CSMD1: variants seen among roughly 807,000 people sequenced by gnomAD.
CSMD1 encodes CUB and sushi domain-containing protein 1.
A neutral mutation model predicts 417.5 loss-of-function variants in CSMD1; 213 were observed. The observed-to-expected ratio is 0.51, with a 90% CI of 0.46 to 0.57. The LOEUF (loss-of-function observed/expected upper bound fraction) is 0.57. CSMD1 is among the 20% of genes least tolerant of loss of function. The pLI, the probability that CSMD1 is intolerant of heterozygous loss-of-function variation, is 0.00. For missense variants in CSMD1, 6,923 were observed against 4,529.7 expected (o/e 1.53, Z -15.17); for synonymous variants, 2,862 against 1,736.8 (o/e 1.65, Z -16.11).
At chr8:4,843,257 C>T (rs985096925) in intron 1 of CSMD1, among the ~76,000 whole-genome samples, 4 of 152,116 alleles carry the variant, frequency 2.6e-5, no homozygotes, top group Non-Finnish European at 5.9e-5. Flanking sequence ...CGATGTCTCC[C>T]TAACCAAAAA....
chr8:4,418,402 G>C (rs894071246), intron 3 of CSMD1, among the ~76,000 whole-genome samples: 13 of 152,138 alleles, frequency 8.5e-5, no homozygotes, highest in African/African-American at 3.1e-4. Context: ...AAATAGCCCA[G>C]AAATATTTGA....
intron 10 of CSMD1, among the ~76,000 whole-genome samples, chr8:3,512,161 G>C (rs1797101749): frequency 6.6e-6 from 1 of 152,156 alleles, no homozygotes; most frequent in African/African-American, 2.4e-5. Context: ...ACATGTCCTT[G>C]GCAGAATTTC....
Position 4,311,268 on chromosome 8 carries a change from G to T in CSMD1, c.415+108685C>A, listed in dbSNP as rs534642527. Among the ~76,000 whole-genome samples the T allele has an allele frequency of 5.3e-5, 8 of 152,298 alleles. No individual in the cohort carries two copies. In the East Asian group the frequency reaches 1.5e-3, roughly 29 times the overall value. On this transcript the variant is annotated intron_variant, in intron 3 of 69. Coordinates refer to ENST00000635120, the MANE Select transcript of CSMD1 (RefSeq NM_033225.6). ...TCAACCTAAATGTCCATCAATGACA[G>T]ATTAGATAAAGAAAATGTGGCACAT...
intron 38 of CSMD1, among the ~76,000 whole-genome samples, chr8:3,159,977 A>C (rs762059361): frequency 6.6e-6 from 1 of 152,198 alleles, no homozygotes; most frequent in Non-Finnish European, 1.5e-5. Flanking sequence ...ACAGTTTGGG[A>C]ATTTGAGGGA....
chr8:3,495,365 A>G (rs926193693), intron 10 of CSMD1, among the ~76,000 whole-genome samples: 6 of 152,188 alleles, frequency 3.9e-5, no homozygotes, highest in Non-Finnish European at 8.8e-5. Context: ...ATGATAATTC[A>G]TTAAGGTTTG....
chr8:4,524,544 A>G (rs1233101509), intron 2 of CSMD1, among the ~76,000 whole-genome samples: 1 of 146,012 alleles, frequency 6.8e-6, no homozygotes, highest in African/African-American at 2.5e-5. Context: ...CTGCATTTTC[A>G]TGACCATTTT....
chr8:4,085,138 C>G (rs1053200254), intron 3 of CSMD1, among the ~76,000 whole-genome samples: 4 of 152,150 alleles, frequency 2.6e-5, no homozygotes, highest in Non-Finnish European at 5.9e-5. Context: ...TGAGATGTCA[C>G]CGGCCTTGAA....
At chr8:4,234,274 G>A (rs1044622397) in intron 3 of CSMD1, among the ~76,000 whole-genome samples, 4 of 152,142 alleles carry the variant, frequency 2.6e-5, no homozygotes, top group Non-Finnish European at 5.9e-5. Flanking sequence ...AGACTTACAC[G>A]AAGTGATCTA....
At chr8:4,474,302 C>G (rs903485857) in intron 2 of CSMD1, among the ~76,000 whole-genome samples, 1 of 151,882 alleles carries the variant, frequency 6.6e-6, no homozygotes, top group Non-Finnish European at 1.5e-5. Context: ...GATTAACGTT[C>G]CAAATAGAAA....
intron 3 of CSMD1, among the ~76,000 whole-genome samples, chr8:4,281,507 A>T (rs1018753875): frequency 6.6e-6 from 1 of 152,228 alleles, no homozygotes; most frequent in Non-Finnish European, 1.5e-5. Flanking sequence ...TTTTACTGAA[A>T]TATCTTATGC....
intron 5 of CSMD1, among the ~76,000 whole-genome samples, chr8:3,799,977 T>C (rs1262455716): frequency 6.6e-6 from 1 of 152,178 alleles, no homozygotes; most frequent in Non-Finnish European, 1.5e-5. Flanking sequence ...GTATAAGCAT[T>C]TCACTCTGAA....
At chr8:3,959,459 A>T (rs1316953125) in intron 5 of CSMD1, among the ~76,000 whole-genome samples, 1 of 152,220 alleles carries the variant, frequency 6.6e-6, no homozygotes, top group Non-Finnish European at 1.5e-5. Flanking sequence ...AGATCACGCC[A>T]TTGCACTCCA....
chr8:3,611,504 T>A (rs1331504865), intron 8 of CSMD1, among the ~76,000 whole-genome samples: 4 of 151,780 alleles, frequency 2.6e-5, no homozygotes, highest in Non-Finnish European at 5.9e-5. Flanking sequence ...TTATAAAAAC[T>A]GAATGAGTCT....
intron 2 of CSMD1, among the ~76,000 whole-genome samples, chr8:4,475,505 A>C (rs1046383076): frequency 1.3e-5 from 2 of 152,198 alleles, no homozygotes; most frequent in East Asian, 3.9e-4. Flanking sequence ...TTTTTTAGAG[A>C]AAAACATGGA....
intron 50 of CSMD1, among the ~76,000 whole-genome samples, chr8:3,031,067 G>C (rs1257395530): frequency 1.3e-5 from 2 of 151,852 alleles, no homozygotes. Context: ...TTAACCTAAT[G>C]ATAAAAATAA....
intron 2 of CSMD1, among the ~76,000 whole-genome samples, chr8:4,449,255 G>A (rs577011033): frequency 1.3e-5 from 2 of 152,056 alleles, no homozygotes; most frequent in Non-Finnish European, 2.9e-5. Context: ...TCACACTCAG[G>A]TTGTAACTAT....
intron 1 of CSMD1, among the ~76,000 whole-genome samples, chr8:4,723,380 C>T (rs1395368400): frequency 6.6e-6 from 1 of 152,096 alleles, no homozygotes; most frequent in Non-Finnish European, 1.5e-5. Flanking sequence ...TCATGAAAAA[C>T]ATGTTGCCAT....
intron 1 of CSMD1, among the ~76,000 whole-genome samples, chr8:4,694,004 C>A (rs1005975772): frequency 6.6e-6 from 1 of 152,166 alleles, no homozygotes; most frequent in Non-Finnish European, 1.5e-5. Context: ...ATCTCGGGAC[C>A]CCCAAATCAC....
At chr8:3,183,932 G>A (rs1821591955) in intron 36 of CSMD1, among the ~76,000 whole-genome samples, 1 of 152,066 alleles carries the variant, frequency 6.6e-6, no homozygotes, top group Non-Finnish European at 1.5e-5. Context: ...GTTTTTTTGA[G>A]CCTGATCTTT....
Sources: gnomAD v4.1 joint callset for allele counts (sites outside exome capture counted in the v4.1 genomes callset) on GRCh38, gnomAD v4.1.1 for gene constraint, MANE v1.5 for transcripts, NCBI Gene and HGNC (gene_info 2026-07-23, HGNC 2026-07-21) for gene names.